Variants in CNNM2 observed in about 807,000 individuals in gnomAD.
CNNM2 encodes the protein cyclin and CBS domain divalent metal cation transport mediator 2, also known as metal transporter CNNM2.
CNNM2 carries 12 observed loss-of-function variants against 66.9 expected under a neutral mutation model. The ratio of observed to expected loss-of-function variants is 0.18; its 90% CI spans 0.11 to 0.29. The LOEUF is 0.29. CNNM2 is among the 10% of genes least tolerant of loss of function. The pLI is 1.00. For missense variants in CNNM2, 705 were observed against 1,167.7 expected (o/e 0.60, Z 5.77); for synonymous variants, 557 against 501.8 (o/e 1.11, Z -1.47).
chr10:102,989,229 CTT>C (rs1045742307), intron 1 of CNNM2, among the ~76,000 whole-genome samples: 3 of 152,134 alleles, frequency 2.0e-5, no homozygotes, highest in Non-Finnish European at 4.4e-5. Context: ...GCAGGGGAAA[CTT>C]TCATTATCTT....
chr10:103,076,153 G>A lies in CNNM2; in HGVS notation c.2301G>A (p.Arg767=). 6.2e-7 allele frequency: 1 copy of A among 1,609,010 alleles called. No homozygotes were observed. Among genetic ancestry groups the A allele is most frequent in the Non-Finnish European group, 8.5e-7 (1 of 1,177,744 alleles). ...NHSDSLSRSD[R]IDAVTPTLGS... The stretch of plus-strand genomic sequence containing the variant: ...CAGACTCTCTCAGTCGAAGCGACCG[G>A]ATTGACGCCGTCACACCAACACTGG... Residue 767 remains arginine (R), a synonymous_variant, in exon 7 of 8, where the codon CGG becomes CGA. Transcript: ENST00000369878.
At chr10:102,927,697 G>A (rs530076643) in intron 1 of CNNM2, 42 of 326,258 alleles carry the variant, frequency 1.3e-4, no homozygotes, top group South Asian at 9.1e-4. Flanking sequence ...CTTAGGTGGC[G>A]GAGGTTGCCG....
At chr10:103,067,319 C>T (rs2065495964) in intron 4 of CNNM2, among the ~76,000 whole-genome samples, 1 of 152,072 alleles carries the variant, frequency 6.6e-6, no homozygotes, top group African/African-American at 2.4e-5. Flanking sequence ...TTGCCTGCCT[C>T]GGTCTCCCAA....
Position 103,090,047 on chromosome 10 carries a change from C to T in CNNM2, c.*12867C>T, listed in dbSNP as rs982462015. On this transcript the variant is annotated 3_prime_UTR_variant, in exon 8 of 8. Coordinates refer to ENST00000369878, the MANE Select transcript of CNNM2 (RefSeq NM_017649.5). Reference sequence around the variant, plus strand: ...ACAGGACAAGTCAATATAGACTTATCTTCATAGAACTACTTATAGTTGCCT... The same window carrying T: ...ACAGGACAAGTCAATATAGACTTATTTTCATAGAACTACTTATAGTTGCCT... 1.8e-6 allele frequency: 1 copy of T among 567,634 alleles called. No homozygotes were observed. Among genetic ancestry groups the T allele is most frequent in the African/African-American group, 1.9e-5 (1 of 52,788 alleles). 35.2% of individuals were successfully genotyped at this position (567,634 alleles called of 1,614,324 possible).
chr10:103,027,699 G>C (rs926738972), intron 1 of CNNM2, among the ~76,000 whole-genome samples: 53 of 152,038 alleles, frequency 3.5e-4, no homozygotes, highest in African/African-American at 1.3e-3. Context: ...CCAAGATCCT[G>C]TTTCTATAGA....
chr10:103,064,800 C>T (rs774853607), intron 4 of CNNM2, among the ~76,000 whole-genome samples: 12 of 152,126 alleles, frequency 7.9e-5, no homozygotes, highest in South Asian at 2.1e-4. Flanking sequence ...ACCACCGGTG[C>T]GGTGAGCCAT....
At chr10:103,055,987 C>T (rs1437993724) in intron 3 of CNNM2, among the ~76,000 whole-genome samples, 1 of 151,612 alleles carries the variant, frequency 6.6e-6, no homozygotes, top group Non-Finnish European at 1.5e-5. Flanking sequence ...ACTCGGGAGG[C>T]TGAGGCAGAA....
At chr10:102,995,427 G>C (rs556674013) in intron 1 of CNNM2, among the ~76,000 whole-genome samples, 6 of 151,542 alleles carry the variant, frequency 4.0e-5, no homozygotes, top group Non-Finnish European at 7.4e-5. Context: ...TGGCCAGGCC[G>C]GTTTTGAACT....
Position 102,925,228 on chromosome 10 carries a change from G to A in CNNM2, c.1621+5127G>A, listed in dbSNP as rs1261082995. On this transcript the variant is annotated intron_variant, in intron 1 of 7. Transcript: ENST00000369878. Reference sequence around the variant, plus strand: ...GGAGGATTGCTTGAACCCGGGAGGCGGAGGCTGTGGTGAACTGAGATCGCA... The same window carrying A: ...GGAGGATTGCTTGAACCCGGGAGGCAGAGGCTGTGGTGAACTGAGATCGCA... 5.4e-5 allele frequency among the ~76,000 whole-genome samples: 8 copies of A among 148,954 alleles called. No individual in the cohort carries two copies. In the Admixed American group the frequency reaches 5.4e-4, roughly 10 times the overall value.
At chr10:102,988,175 G>A (rs569209360) in intron 1 of CNNM2, among the ~76,000 whole-genome samples, 25 of 151,884 alleles carry the variant, frequency 1.6e-4, no homozygotes, top group Admixed American at 4.6e-4. Flanking sequence ...GGTGGTGGGC[G>A]CCTGTAATCC....
chr10:103,074,985 C>T (rs2134369968), intron 6 of CNNM2, among the ~76,000 whole-genome samples: 1 of 152,316 alleles, frequency 6.6e-6, no homozygotes, highest in East Asian at 1.9e-4. Flanking sequence ...AGGAGACCAT[C>T]ACTCTCTTCA....
intron 1 of CNNM2, among the ~76,000 whole-genome samples, chr10:103,004,941 C>G (rs576715839): frequency 6.6e-6 from 1 of 152,250 alleles, no homozygotes; most frequent in East Asian, 1.9e-4. Flanking sequence ...CATCCAAATT[C>G]CTGAACATGG....
chr10:102,977,594 G>T (rs1283045764), intron 1 of CNNM2, among the ~76,000 whole-genome samples: 1 of 152,156 alleles, frequency 6.6e-6, no homozygotes, highest in Non-Finnish European at 1.5e-5. Flanking sequence ...GCCAAGGTGG[G>T]TGGATCACCT....
chr10:102,994,909 G>A (rs1001716594), intron 1 of CNNM2, among the ~76,000 whole-genome samples: 1 of 152,168 alleles, frequency 6.6e-6, no homozygotes, highest in Admixed American at 6.5e-5. Flanking sequence ...AGCTGGAAGA[G>A]GCTCTTGAGC....
At chr10:103,016,410 C>G (rs1244270039) in intron 1 of CNNM2, among the ~76,000 whole-genome samples, 1 of 151,884 alleles carries the variant, frequency 6.6e-6, no homozygotes, top group East Asian at 1.9e-4. Flanking sequence ...TATTTAAGTC[C>G]TACTATGTGG....
rs193022282 is a variant in CNNM2, at chr10:102,986,812, A to G, written c.1622-62895A>G. Among the ~76,000 whole-genome samples, 20 of 151,380 alleles carry G rather than the reference A, an allele frequency of 1.3e-4. No individual in the cohort carries two copies. The South Asian group carries it at 3.4e-3, about 25-fold the overall frequency. On this transcript the variant is annotated intron_variant, in intron 1 of 7. Transcript: ENST00000369878. ...AAAAAAAAAAGTTTTTATCCTCCAG[A>G]TCGTAGAATTATATTACTAGAGGTG... is the stretch of plus-strand genomic sequence containing the variant.
At chr10:102,960,342 A>G (rs898006072) in intron 1 of CNNM2, among the ~76,000 whole-genome samples, 23 of 152,180 alleles carry the variant, frequency 1.5e-4, no homozygotes, top group Non-Finnish European at 5.9e-5. Context: ...CATGACTGAA[A>G]GGTGTTTGAA....
intron 1 of CNNM2, among the ~76,000 whole-genome samples, chr10:102,962,295 C>T (rs1204409583): frequency 6.6e-6 from 1 of 152,050 alleles, no homozygotes; most frequent in Non-Finnish European, 1.5e-5. Context: ...AACCAACCTG[C>T]ACATCCTGCA....
At chr10:103,053,923 G>A (rs2065255666) in intron 2 of CNNM2, among the ~76,000 whole-genome samples, 1 of 152,236 alleles carries the variant, frequency 6.6e-6, no homozygotes, top group Admixed American at 6.5e-5. Context: ...TGTGTACACA[G>A]TGGTGGTCCT....
Sources: gnomAD v4.1 joint callset for allele counts (sites outside exome capture counted in the v4.1 genomes callset) on GRCh38, gnomAD v4.1.1 for gene constraint, MANE v1.5 for transcripts, NCBI Gene and HGNC (gene_info 2026-07-23, HGNC 2026-07-21) for gene names.